HNRNPC: variants seen among roughly 807,000 people sequenced by gnomAD.
HNRNPC encodes the protein heterogeneous nuclear ribonucleoprotein C.
Under a neutral mutation model 33.2 loss-of-function variants are expected in HNRNPC, and 3 were observed. That is an observed-to-expected ratio of 0.09 (90% CI 0.04 to 0.23). The LOEUF (loss-of-function observed/expected upper bound fraction) is 0.23. HNRNPC is among the 10% of genes least tolerant of loss of function. The pLI is 1.00. For missense variants in HNRNPC, 143 were observed against 366.7 expected (o/e 0.39, Z 4.98); for synonymous variants, 121 against 126.7 (o/e 0.96, Z 0.30).
chr14:21,255,205 C>T (rs1014455507), intron 2 of HNRNPC, among the ~76,000 whole-genome samples: 2 of 152,058 alleles, frequency 1.3e-5, no homozygotes, highest in Non-Finnish European at 2.9e-5. Context: ...AAATGTTATT[C>T]AAGACTAGCC....
At position 21,211,050 on chromosome 14, in the gene HNRNPC, T is replaced by C. The variant is rs2139436335; in HGVS notation, c.*173A>G. The C allele has an allele frequency of 1.9e-5, 13 of 677,870 alleles. No homozygotes were observed. In the South Asian group the frequency reaches 2.6e-4, roughly 14 times the overall value. 42.0% of individuals were successfully genotyped at this position (677,870 alleles called of 1,614,324 possible). On this transcript the variant is annotated 3_prime_UTR_variant, in exon 9 of 9. Coordinates refer to ENST00000553300, the MANE Select transcript of HNRNPC (RefSeq NM_004500.4). Reference sequence around the variant, plus strand: ...CTAGGAGCGTCAAAGGAAGTGAAAATGGGACTAGGCGCGGGGCAATATGAA... The same window carrying C: ...CTAGGAGCGTCAAAGGAAGTGAAAACGGGACTAGGCGCGGGGCAATATGAA...
intron 5 of HNRNPC, among the ~76,000 whole-genome samples, chr14:21,225,827 CTAATT>C (rs1893356794): frequency 6.6e-6 from 1 of 152,100 alleles, no homozygotes; most frequent in Non-Finnish European, 1.5e-5. Context: ...TCACCATTAT[CTAATT>C]TGAGAACAAT....
Position 21,249,631 on chromosome 14 carries a change from G to A in HNRNPC, c.-37+13680C>T, listed in dbSNP as rs940191711. ...AAAAAAAAAAGAATCAATGAATTGGGTACCTCTAGATTCACTGAACATTGT... is the reference window on the plus strand; with the variant it reads ...AAAAAAAAAAGAATCAATGAATTGGATACCTCTAGATTCACTGAACATTGT... On this transcript the variant is annotated intron_variant, in intron 2 of 8. Coordinates refer to ENST00000553300, the MANE Select transcript of HNRNPC (RefSeq NM_004500.4). Among the ~76,000 whole-genome samples the A allele has an allele frequency of 8.0e-5, 12 of 149,266 alleles. No individual in the cohort carries two copies. In the Admixed American group the frequency reaches 8.1e-4, roughly 10 times the overall value.
At chr14:21,240,183 AT>A (rs1026962312) in intron 2 of HNRNPC, among the ~76,000 whole-genome samples, 34 of 152,178 alleles carry the variant, frequency 2.2e-4, no homozygotes, top group Non-Finnish European at 4.0e-4. Flanking sequence ...AGGACAAGAA[AT>A]TTCCTGAATA....
Position 21,255,609 on chromosome 14 carries a change from A to G in HNRNPC, c.-37+7702T>C, listed in dbSNP as rs1261827752. The stretch of plus-strand genomic sequence containing the variant: ...CTATTTATGCCCACACAGAATCACA[A>G]GAGTTGATGTACATTTTTAAGCTTT... On this transcript the variant is annotated intron_variant, in intron 2 of 8. Transcript: ENST00000553300. Among the ~76,000 whole-genome samples, 3 of 152,190 alleles carry G rather than the reference A, an allele frequency of 2.0e-5. No individual in the cohort carries two copies. The East Asian group carries it at 5.8e-4, about 29-fold the overall frequency.
chr14:21,213,394 C>T, intron 5 of HNRNPC: 1 of 388,106 alleles, frequency 2.6e-6, no homozygotes, highest in South Asian at 2.9e-5. Context: ...GCCTTTGGCA[C>T]TGGATATAAA....
chr14:21,226,562 A>T (rs1034489662), intron 5 of HNRNPC, among the ~76,000 whole-genome samples: 1 of 143,914 alleles, frequency 6.9e-6, no homozygotes, highest in Non-Finnish European at 1.5e-5. Context: ...CTTCAAATGA[A>T]TATTAAAAAG....
intron 2 of HNRNPC, among the ~76,000 whole-genome samples, chr14:21,246,734 T>C (rs1189350643): frequency 6.6e-6 from 1 of 152,166 alleles, no homozygotes; most frequent in Non-Finnish European, 1.5e-5. Context: ...CAGGAACAAT[T>C]ACAACTGACC....
rs1449941858 is a variant in HNRNPC at position 21,209,552 on chromosome 14, G to A, written c.*1671C>T. ...TTTTTGACTGAATTAACATACAAAA[G>A]AAATTGCCTATATCATGTATATGGG... On this transcript the variant is annotated 3_prime_UTR_variant, in exon 9 of 9. Coordinates refer to ENST00000553300, the MANE Select transcript of HNRNPC (RefSeq NM_004500.4). 1 of 152,156 alleles carries A rather than the reference G, an allele frequency of 6.6e-6. No homozygotes were observed. The highest frequency in any genetic ancestry group is 1.5e-5 in the Non-Finnish European group (1 of 68,012). 9.4% of individuals were successfully genotyped at this position (152,156 alleles called of 1,614,324 possible).
chr14:21,219,728 T>C (rs1342873976), intron 5 of HNRNPC, among the ~76,000 whole-genome samples: 1 of 146,848 alleles, frequency 6.8e-6, no homozygotes, highest in Non-Finnish European at 1.5e-5. Context: ...AATCATCCAG[T>C]ATTGCGGTTT....
At chr14:21,265,449 T>C (rs1878817798) in intron 1 of HNRNPC, 1 of 152,198 alleles carries the variant, frequency 6.6e-6, no homozygotes, top group Admixed American at 6.5e-5. Flanking sequence ...CCCAAGATGT[T>C]ATTTATGTTA....
At chr14:21,269,021 CG>C (rs1347548475) in intron 1 of HNRNPC, among the ~76,000 whole-genome samples, 5 of 151,858 alleles carry the variant, frequency 3.3e-5, no homozygotes, top group Non-Finnish European at 7.4e-5. Flanking sequence ...GTAGTCCTCG[CG>C]GTCGTAGAAA....
At chr14:21,211,641 C>G (rs529125892) in intron 7 of HNRNPC, 75 bp from the exon 8 acceptor site, 6 of 1,515,584 alleles carry the variant, frequency 4.0e-6, no homozygotes, top group South Asian at 1.2e-5. Context: ...CTAAGGATCA[C>G]AGAACTGCAG....
Position 21,230,369 on chromosome 14 carries a change from G to A in HNRNPC, c.318-3C>T, listed in dbSNP as rs370804384. ...CATAGTCCAAGTCAAAAGAGGAGCTGAAAAATAAATACCGAAAAGGGTTAA... is the reference window on the plus strand; with the variant it reads ...CATAGTCCAAGTCAAAAGAGGAGCTAAAAAATAAATACCGAAAAGGGTTAA... On this transcript the variant is annotated splice_polypyrimidine_tract_variant and splice_region_variant and intron_variant, in intron 4 of 8. Coordinates refer to ENST00000553300, the MANE Select transcript of HNRNPC (RefSeq NM_004500.4). 3.1e-6 allele frequency: 5 copies of A among 1,605,498 alleles called. No homozygotes were observed. Among genetic ancestry groups the A allele is most frequent in the Non-Finnish European group, 4.3e-6 (5 of 1,172,830 alleles).
intron 2 of HNRNPC, among the ~76,000 whole-genome samples, chr14:21,256,131 A>AG (rs1246220847): frequency 1.3e-5 from 2 of 152,168 alleles, no homozygotes; most frequent in African/African-American, 4.8e-5. Flanking sequence ...GGCAGCCATT[A>AG]GGTTGTTTGT....
intron 2 of HNRNPC, among the ~76,000 whole-genome samples, chr14:21,242,349 T>C (rs1419604734): frequency 1.3e-5 from 2 of 152,114 alleles, no homozygotes; most frequent in African/African-American, 4.8e-5. Context: ...CTGGGCGTGA[T>C]GTCAAGCGCC....
chr14:21,227,195 C>CT (rs1893564312), intron 5 of HNRNPC, among the ~76,000 whole-genome samples: 1 of 151,704 alleles, frequency 6.6e-6, no homozygotes, highest in Non-Finnish European at 1.5e-5. Flanking sequence ...ATCTGCCCCT[C>CT]TCCCCACTAA....
intron 5 of HNRNPC, among the ~76,000 whole-genome samples, chr14:21,228,668 A>G (rs929869082): frequency 2.0e-5 from 3 of 152,128 alleles, no homozygotes; most frequent in African/African-American, 7.2e-5. Flanking sequence ...CTGAGATTAC[A>G]GGTGTGAGCC....
intron 4 of HNRNPC, 192 bp downstream of exon 4, chr14:21,230,805 G>T: frequency 1.7e-6 from 1 of 573,906 alleles, no homozygotes; most frequent in Non-Finnish European, 3.0e-6. Context: ...TTTTCTCTAG[G>T]GCAAAAAAGA....
Sources: allele counts gnomAD v4.1 joint callset (sites outside exome capture counted in the v4.1 genomes callset), GRCh38; gene constraint gnomAD v4.1.1; transcripts MANE v1.5; gene names NCBI Gene and HGNC (gene_info 2026-07-23, HGNC 2026-07-21).